Variants in PTPRD observed in about 807,000 individuals in gnomAD.
PTPRD encodes protein tyrosine phosphatase receptor type D, also known as receptor-type tyrosine-protein phosphatase delta.
PTPRD carries 34 observed loss-of-function variants against 214.5 expected under a neutral mutation model. The observed-to-expected ratio is 0.16, with a 90% CI of 0.12 to 0.21. The LOEUF (loss-of-function observed/expected upper bound fraction) is 0.21, where lower values mean the gene tolerates loss of function less well. Ranked by LOEUF, PTPRD falls within the 10% of genes least tolerant of loss-of-function variation. The probability of loss-of-function intolerance (pLI) is 1.00; values close to 1 mark genes in which losing one functional copy is unlikely to be tolerated. For synonymous variants in PTPRD, 1,128 were observed against 845.7 expected (o/e 1.33, Z -5.79); for missense variants, 2,545 against 2,398.7 (o/e 1.06, Z -1.27).
chr9:9,801,086 C>T (rs2099036801), intron 5 of PTPRD, among the ~76,000 whole-genome samples: 2 of 152,092 alleles, frequency 1.3e-5, no homozygotes, highest in African/African-American at 2.4e-5. Flanking sequence ...AAGAATCAGA[C>T]ACTTATTTAA....
intron 3 of PTPRD, among the ~76,000 whole-genome samples, chr9:10,191,023 CTAA>C (rs762653997): frequency 6.6e-6 from 1 of 151,976 alleles, no homozygotes; most frequent in Non-Finnish European, 1.5e-5. Flanking sequence ...GACCACTTCA[CTAA>C]TAATTGGCCT....
chr9:10,570,290 A>T (rs1056686250), intron 2 of PTPRD, among the ~76,000 whole-genome samples: 6 of 152,130 alleles, frequency 3.9e-5, no homozygotes, highest in Non-Finnish European at 5.9e-5. Flanking sequence ...GACTAAACTC[A>T]TTAAGAAGTC....
intron 36 of PTPRD, among the ~76,000 whole-genome samples, chr9:8,394,745 G>A (rs963512040): frequency 1.3e-5 from 2 of 152,114 alleles, no homozygotes; most frequent in African/African-American, 4.8e-5. Context: ...GATTAGGTAG[G>A]AACGCACTCT....
intron 12 of PTPRD, among the ~76,000 whole-genome samples, chr9:8,710,071 T>C (rs1207524252): frequency 6.6e-6 from 1 of 152,216 alleles, no homozygotes; most frequent in Non-Finnish European, 1.5e-5. Context: ...AACACATGAT[T>C]GTTATTAAAT....
At chr9:9,958,215 G>T (rs1265718489) in intron 4 of PTPRD, among the ~76,000 whole-genome samples, 1 of 152,158 alleles carries the variant, frequency 6.6e-6, no homozygotes, top group Non-Finnish European at 1.5e-5. Flanking sequence ...AACAAAGAAG[G>T]ATACATTGGA....
intron 4 of PTPRD, among the ~76,000 whole-genome samples, chr9:9,961,941 A>G (rs2094393767): frequency 1.3e-5 from 2 of 152,144 alleles, no homozygotes; most frequent in African/African-American, 2.4e-5. Context: ...CCCTAATTTG[A>G]CCCATCAACA....
intron 3 of PTPRD, among the ~76,000 whole-genome samples, chr9:10,254,638 G>C (rs538069299): frequency 1.3e-5 from 2 of 152,106 alleles, no homozygotes; most frequent in African/African-American, 2.4e-5. Context: ...ATTACAAATA[G>C]AGTAAAAGAT....
chr9:9,064,520 C>T (rs1462151867), intron 10 of PTPRD, among the ~76,000 whole-genome samples: 1 of 152,150 alleles, frequency 6.6e-6, no homozygotes, highest in Non-Finnish European at 1.5e-5. Context: ...CTGGACCAAA[C>T]ATTTCAAGGT....
intron 33 of PTPRD, among the ~76,000 whole-genome samples, chr9:8,454,810 TA>T (rs999346099): frequency 1.1e-3 from 108 of 98,564 alleles, no homozygotes; most frequent in Non-Finnish European, 1.8e-3. Context: ...ACTGAATACA[TA>T]GTGTGTGTGT....
At chr9:8,587,619 G>A (rs960326818) in intron 14 of PTPRD, among the ~76,000 whole-genome samples, 4 of 152,098 alleles carry the variant, frequency 2.6e-5, no homozygotes, top group Non-Finnish European at 5.9e-5. Flanking sequence ...ATCAAATTAA[G>A]TTCAACAGAC....
intron 14 of PTPRD, among the ~76,000 whole-genome samples, chr9:8,560,936 A>AG (rs1196116926): frequency 6.6e-6 from 1 of 152,124 alleles, no homozygotes; most frequent in Non-Finnish European, 1.5e-5. Context: ...TTAAAAAAAA[A>AG]AAAAACACTC....
chr9:9,542,176 A>G (rs146775235), intron 8 of PTPRD, among the ~76,000 whole-genome samples: 2 of 151,928 alleles, frequency 1.3e-5, no homozygotes, highest in African/African-American at 2.4e-5. Context: ...ATCAGGGAAG[A>G]AAGATTATCG....
At chr9:8,387,925 A>C (rs1268976431) in intron 37 of PTPRD, among the ~76,000 whole-genome samples, 2 of 152,256 alleles carry the variant, frequency 1.3e-5, no homozygotes, top group Non-Finnish European at 2.9e-5. Context: ...AGTACAAATC[A>C]GTAACAAATC....
At chr9:10,210,804 T>TATATATATATACATAC (rs2099512868) in intron 3 of PTPRD, among the ~76,000 whole-genome samples, 1 of 89,636 alleles carries the variant, frequency 1.1e-5, no homozygotes, top group Non-Finnish European at 2.1e-5. Context: ...TTCATATATA[T>TATATATATATACATAC]ATATATATAT....
At chr9:9,364,282 T>C (rs1433811235) in intron 9 of PTPRD, among the ~76,000 whole-genome samples, 1 of 151,470 alleles carries the variant, frequency 6.6e-6, no homozygotes, top group African/African-American at 2.4e-5. Flanking sequence ...GGCACTGTTC[T>C]ATACCCTGGA....
chr9:8,844,793 T>G (rs922158058), intron 11 of PTPRD, among the ~76,000 whole-genome samples: 4 of 152,212 alleles, frequency 2.6e-5, no homozygotes, highest in Non-Finnish European at 4.4e-5. Flanking sequence ...CAAAGTGAAG[T>G]GTGGCTAGGC....
intron 10 of PTPRD, among the ~76,000 whole-genome samples, chr9:9,044,435 A>C (rs2154385886): frequency 6.6e-6 from 1 of 152,356 alleles, no homozygotes; most frequent in Admixed American, 6.5e-5. Flanking sequence ...TTTTGCAGCA[A>C]ACTCAGTAAT....
intron 11 of PTPRD, among the ~76,000 whole-genome samples, chr9:8,931,343 C>T (rs1208121027): frequency 6.6e-6 from 1 of 151,988 alleles, no homozygotes; most frequent in African/African-American, 2.4e-5. Flanking sequence ...GTACCAGTAC[C>T]ATGCTGTTTT....
chr9:9,347,592 GA>G (rs1002578381), intron 9 of PTPRD, among the ~76,000 whole-genome samples: 66 of 152,074 alleles, frequency 4.3e-4, no homozygotes, highest in African/African-American at 1.5e-3. Context: ...AGTGGCAAGG[GA>G]AAAACAAGGC....
Sources: gnomAD v4.1 joint callset for allele counts (sites outside exome capture counted in the v4.1 genomes callset) on GRCh38, gnomAD v4.1.1 for gene constraint, MANE v1.5 for transcripts, NCBI Gene and HGNC (gene_info 2026-07-23, HGNC 2026-07-21) for gene names.